MGAM: variants seen among roughly 807,000 people sequenced by gnomAD.
MGAM encodes maltase-glucoamylase, also known as alpha-1,4-glucosidase.
Under a neutral mutation model 358.8 loss-of-function variants are expected in MGAM, and 253 were observed. That is an observed-to-expected ratio of 0.71 (90% confidence interval 0.64 to 0.78). MGAM has a LOEUF of 0.78. Among genes scored for constraint, MGAM ranks in the 30% least tolerant of loss-of-function variants. MGAM has a pLI of 0.00. For missense variants in MGAM, 3,080 were observed against 3,432.6 expected (o/e 0.90, Z 2.57); for synonymous variants, 1,105 against 1,227.1 (o/e 0.90, Z 2.08).
intron 55 of MGAM, 89 bp downstream of exon 55, chr7:142,086,050 A>T: frequency 6.7e-7 from 1 of 1,503,226 alleles, no homozygotes; most frequent in Non-Finnish European, 9.1e-7. Flanking sequence ...CCATGTTGCA[A>T]GTAGATAAAT....
chr7:142,086,374 G>C (rs2129055531), intron 56 of MGAM, 46 bp downstream of exon 56: 1 of 1,419,904 alleles, frequency 7.0e-7, no homozygotes, highest in East Asian at 2.5e-5. Context: ...CTGAGGGTGG[G>C]TCACTGTTAG....
chr7:142,088,820 ACCAT>A (rs753204299), intron 57 of MGAM, among the ~76,000 whole-genome samples: 2,721 of 81,240 alleles, frequency 0.033, 394 homozygotes, highest in East Asian at 0.22. Context: ...CTATCTATGT[ACCAT>A]CTATCTATCT....
chr7:142,055,892 G>T (rs1811475235), intron 28 of MGAM, 108 bp from the exon 29 acceptor site: 1 of 1,454,816 alleles, frequency 6.9e-7, no homozygotes, highest in East Asian at 2.4e-5. Context: ...TATGTGTCTA[G>T]TTTCATGGAG....
intron 3 of MGAM, among the ~76,000 whole-genome samples, chr7:142,013,805 A>G (rs1352386978): frequency 6.6e-6 from 1 of 152,206 alleles, no homozygotes; most frequent in Admixed American, 6.5e-5. Context: ...TGGTCAGCCC[A>G]CAAGCACCTG....
At chr7:142,059,666 T>C in intron 32 of MGAM, 66 bp downstream of exon 32, 1 of 1,598,584 alleles carries the variant, frequency 6.3e-7, no homozygotes, top group Non-Finnish European at 8.5e-7. Context: ...GGAGTCAGAG[T>C]TATACTTTAT....
At chr7:142,048,674 G>A (rs906732977) in intron 22 of MGAM, among the ~76,000 whole-genome samples, 1 of 151,990 alleles carries the variant, frequency 6.6e-6, no homozygotes, top group Non-Finnish European at 1.5e-5. Context: ...AGATTCCCTT[G>A]AGGCATATGC....
Position 142,095,682 on chromosome 7 carries a change from G to A in MGAM, c.7576G>A (p.Gly2526Ser). The A allele has an allele frequency of 6.2e-7, 1 of 1,613,956 alleles. No homozygotes were observed. Among genetic ancestry groups the A allele is most frequent in the Non-Finnish European group, 8.5e-7 (1 of 1,179,880 alleles). ...CTTGATGCATAAGGCCCACACGGAGGGCGTCACTGTTGTGCGGCCTCTGCT... is the reference window on the plus strand; with the variant it reads ...CTTGATGCATAAGGCCCACACGGAGAGCGTCACTGTTGTGCGGCCTCTGCT... ...YTLMHKAHTEGVTVVRPLLHE... is the reference protein window; with the variant it reads ...YTLMHKAHTESVTVVRPLLHE... Residue 2526 changes from glycine to serine, a missense_variant, in exon 64 of 71, where the codon GGC (glycine) becomes AGC (serine). Gly to Ser is a moderately conservative substitution (Grantham distance 56). Transcript: ENST00000475668.
Position 142,088,988 on chromosome 7 carries a change from G to GTATC in MGAM, c.6810+2274_6810+2275insCTAT, listed in dbSNP as rs1156536188. 2.9e-4 allele frequency among the ~76,000 whole-genome samples: 26 copies of GTATC among 91,022 alleles called. 1 individual carries two copies. The highest frequency in any genetic ancestry group is 4.1e-4 in the African/African-American group (11 of 26,798). The allele number at this position is 91,022 out of a possible 152,430, so 59.7% of individuals were successfully genotyped here. A position where few individuals can be genotyped will look rare whatever the true frequency, so the allele number is the denominator to read the frequency against. On this transcript the variant is annotated intron_variant, in intron 57 of 70. Transcript: ENST00000475668. Reference sequence around the variant, plus strand: ...TCTATGTATGTATGTATGTATGTATGTATGTATGTATCTATCTATCTATCT... The same window carrying GTATC: ...TCTATGTATGTATGTATGTATGTATGTATCTATGTATGTATCTATCTATCTATCT...
chr7:142,030,841 C>A lies in MGAM; in HGVS notation c.1470+84C>A, dbSNP rs1807423910. On this transcript the variant is annotated intron_variant, in intron 12 of 70. Transcript: ENST00000475668. ...GTCTGTGTGTGTGTGTGTGTGTGTG[C>A]ATGTAATTGTTTTATTGTACATTTT... is the stretch of plus-strand genomic sequence containing the variant. The A allele has an allele frequency of 6.2e-6, 4 of 648,704 alleles. No homozygotes were observed. In the East Asian group the frequency reaches 1.0e-4, roughly 17 times the overall value. 40.2% of individuals were successfully genotyped at this position (648,704 alleles called of 1,614,324 possible). A position where few individuals can be genotyped will look rare whatever the true frequency, so the allele number is the denominator to read the frequency against.
intron 57 of MGAM, among the ~76,000 whole-genome samples, chr7:142,089,108 G>T (rs1237830831): frequency 6.9e-6 from 1 of 145,422 alleles, no homozygotes; most frequent in African/African-American, 2.4e-5. Context: ...AAGCTTAGTG[G>T]TCCAAGCAGC....
intron 57 of MGAM, among the ~76,000 whole-genome samples, chr7:142,088,863 A>ATCTATCTATCTG (rs1815082813): frequency 7.3e-6 from 1 of 136,936 alleles, no homozygotes; most frequent in Admixed American, 7.5e-5. Context: ...CTATCTATCT[A>ATCTATCTATCTG]TCTATCTAAT....
At chr7:142,034,627 G>T in intron 15 of MGAM, 43 bp from the exon 16 acceptor site, 1 of 1,573,690 alleles carries the variant, frequency 6.4e-7, no homozygotes, top group Non-Finnish European at 8.7e-7. Context: ...GCTGAGACAA[G>T]CTAAGATCCC....
At chr7:142,044,285 GACATATAATATATAC>G (rs1809640600) in intron 21 of MGAM, among the ~76,000 whole-genome samples, 1 of 79,484 alleles carries the variant, frequency 1.3e-5, no homozygotes, top group East Asian at 3.2e-4. Context: ...ATACACATAC[GACATATAATATATAC>G]TATATATAAT....
rs753269154 is a variant in MGAM at position 142,040,167 on chromosome 7, A to C, written c.2369A>C (p.Glu790Ala). 5 of 1,611,312 alleles carry C rather than the reference A, an allele frequency of 3.1e-6. No homozygotes were observed. The East Asian group carries it at 1.1e-4, about 36-fold the overall frequency. The change falls in exon 20 of 71, where the codon GAG becomes GCG. Residue 790 changes from glutamate (E) to alanine (A), a missense_variant. Around this residue, in one of 5 missense-constraint regions of MGAM, gnomAD observed 1,816 missense variants for 1,840.5 expected, o/e 0.99. Coordinates refer to ENST00000475668, the MANE Select transcript of MGAM (RefSeq NM_001365693.1). ...YVPDAVWYDY[E>A]TGSQVRWRKQ... is the part of the protein sequence containing the mutation. ...CCTGATGCTGTCTGGTATGACTACG[A>C]GACTGTAAGTAGCTTTGACTTTTCT... is the stretch of plus-strand genomic sequence containing the variant.
chr7:142,081,816 G>A (rs1290366933), intron 50 of MGAM, among the ~76,000 whole-genome samples: 1 of 145,560 alleles, frequency 6.9e-6, no homozygotes, highest in Non-Finnish European at 1.6e-5. Context: ...TATTGTAGAG[G>A]ACCACTGAAA....
At chr7:142,035,088 A>G (rs1170015020) in intron 16 of MGAM, among the ~76,000 whole-genome samples, 1 of 152,214 alleles carries the variant, frequency 6.6e-6, no homozygotes, top group Non-Finnish European at 1.5e-5. Flanking sequence ...AAAGTGTAAC[A>G]TACTTTATAC....
At chr7:142,041,734 C>A (rs540890484) in intron 21 of MGAM, among the ~76,000 whole-genome samples, 1 of 149,334 alleles carries the variant, frequency 6.7e-6, no homozygotes, top group Non-Finnish European at 1.5e-5. Context: ...TTGCACTTAT[C>A]CTTTCCAACA....
intron 10 of MGAM, 116 bp from the exon 11 acceptor site, chr7:142,030,246 C>T (rs1226418455): frequency 1.1e-5 from 12 of 1,074,182 alleles, no homozygotes; most frequent in Non-Finnish European, 1.6e-5. Context: ...TGATTAAGAA[C>T]TCTATTTAGA....
At chr7:142,042,194 ATATAATATATAACATATTATATATAC>A (rs1808891040) in intron 21 of MGAM, among the ~76,000 whole-genome samples, 2 of 838 alleles carry the variant, frequency 2.4e-3, no homozygotes, top group African/African-American at 0.024. Flanking sequence ...TTATATATAC[ATATAATATATAACATATTATATATAC>A]ATATAATATA....
Sources: allele counts gnomAD v4.1 joint callset (sites outside exome capture counted in the v4.1 genomes callset), GRCh38; gene constraint gnomAD v4.1.1; regional missense constraint gnomAD v4.1.1; transcripts MANE v1.5; gene names NCBI Gene and HGNC (gene_info 2026-07-23, HGNC 2026-07-21).